The following MIDEAS variants were observed in gnomAD, a reference collection of about 807,000 sequenced individuals.
MIDEAS encodes mitotic deacetylase associated SANT domain protein, also known as mitotic deacetylase-associated SANT domain protein.
MIDEAS carries 26 observed loss-of-function variants against 102.7 expected under a neutral mutation model. The observed-to-expected ratio is 0.25, with a 90% confidence interval of 0.19 to 0.35. MIDEAS has a LOEUF of 0.35. MIDEAS is among the 10% of genes least tolerant of loss of function. The probability of loss-of-function intolerance (pLI) is 1.00; values close to 1 mark genes in which losing one functional copy is unlikely to be tolerated. For synonymous variants in MIDEAS, 585 were observed against 591.0 expected (o/e 0.99, Z 0.15); for missense variants, 1,231 against 1,435.6 (o/e 0.86, Z 2.30).
chr14:73,775,525 T>C (rs1192418638), intron 1 of MIDEAS, among the ~76,000 whole-genome samples: 1 of 151,984 alleles, frequency 6.6e-6, no homozygotes, highest in East Asian at 1.9e-4. Flanking sequence ...AACCAGGCCA[T>C]GCATCTAAGC....
chr14:73,726,823 T>A lies in MIDEAS; in HGVS notation c.2305+7A>T. On this transcript the variant is annotated splice_region_variant and intron_variant, in intron 6 of 12. Coordinates refer to ENST00000423556, the MANE Select transcript of MIDEAS (RefSeq NM_001367710.1). ...CCCTCACTTGCTGCCCCCAGGCCCC[T>A]CCTCACCTTGCCTCTGCTTCTCCCG... The A allele has an allele frequency of 1.2e-6, 2 of 1,607,778 alleles. No individual in the cohort carries two copies. The highest frequency in any genetic ancestry group is 1.7e-6 in the Non-Finnish European group (2 of 1,175,334).
At chr14:73,744,294 G>A (rs1416063362) in intron 1 of MIDEAS, among the ~76,000 whole-genome samples, 1 of 152,200 alleles carries the variant, frequency 6.6e-6, no homozygotes, top group Non-Finnish European at 1.5e-5. Flanking sequence ...GCCAGACTGT[G>A]GCCACTGTGG....
At chr14:73,727,020 G>A (rs369038316) in intron 5 of MIDEAS, 48 bp from the exon 6 acceptor site, 282 of 1,544,712 alleles carry the variant, frequency 1.8e-4, no homozygotes, top group African/African-American at 3.0e-4. Flanking sequence ...TTGCGGGGAC[G>A]GAGAACTTGA....
Position 73,718,865 on chromosome 14 carries a change from C to A in MIDEAS, c.3278G>T (p.Ser1093Ile). The A allele has an allele frequency of 6.6e-7, 1 of 1,505,582 alleles. No homozygotes were observed. Among genetic ancestry groups the A allele is most frequent in the Non-Finnish European group, 8.8e-7 (1 of 1,133,974 alleles). 93.3% of individuals were successfully genotyped at this position (1,505,582 alleles called of 1,614,324 possible). A position where few individuals can be genotyped will look rare whatever the true frequency, so the allele number is the denominator to read the frequency against. ...CGCTCAGCCCTTGTCGCCCGCACCG[C>A]TCTCCTCCCGCAGGGCCTGCTGGTG... is the stretch of plus-strand genomic sequence containing the variant. ...AAHQQALREE[S>I]GAGDKG The change falls in exon 13 of 13, where the codon AGC (serine) becomes ATC (isoleucine). Residue 1093 changes from serine (S) to isoleucine (I), a missense_variant. Ser to Ile is a moderately radical substitution (Grantham distance 142, BLOSUM62 -2). Around this residue, in one of 5 missense-constraint regions of MIDEAS, gnomAD observed 71 missense variants for 51.9 expected, o/e 1.37. Transcript: ENST00000423556.
At chr14:73,727,767 C>T (rs569975069) in intron 4 of MIDEAS, 3 of 489,140 alleles carry the variant, frequency 6.1e-6, no homozygotes, top group South Asian at 2.8e-5. Flanking sequence ...CTGTCTCCTA[C>T]GGTTAATGTG....
intron 1 of MIDEAS, among the ~76,000 whole-genome samples, chr14:73,767,549 G>A (rs1174297763): frequency 1.3e-5 from 2 of 152,056 alleles, no homozygotes; most frequent in African/African-American, 4.8e-5. Flanking sequence ...GAGGTGGGAG[G>A]ATTGCTTGAG....
Position 73,717,039 on chromosome 14 carries a change from G to A in MIDEAS, c.*1804C>T, listed in dbSNP as rs1198365910. The A allele has an allele frequency of 6.6e-6, 1 of 152,484 alleles. No homozygotes were observed. The highest frequency in any genetic ancestry group is 1.5e-5 in the Non-Finnish European group (1 of 68,052). The allele number at this position is 152,484 out of a possible 1,614,324, so 9.4% of individuals were successfully genotyped here. ...TAGGTAGTCATCCAAGAGTCTGGAG[G>A]GAGAAGAAATTTGTTACTTCCACAG... On this transcript the variant is annotated 3_prime_UTR_variant, in exon 13 of 13. Coordinates refer to ENST00000423556, the MANE Select transcript of MIDEAS (RefSeq NM_001367710.1).
upstream of MIDEAS, among the ~76,000 whole-genome samples, chr14:73,764,883 C>T (rs2053581845): frequency 6.6e-6 from 1 of 152,154 alleles, no homozygotes; most frequent in Non-Finnish European, 1.5e-5. Context: ...GTTCTGAGTG[C>T]CTTTGTCAGG....
intron 11 of MIDEAS, 140 bp from the exon 12 acceptor site, chr14:73,719,641 A>G: frequency 1.3e-6 from 1 of 789,224 alleles, no homozygotes; most frequent in Middle Eastern, 3.7e-4. Flanking sequence ...GGGTCCTTCC[A>G]GGGATATGAC....
upstream of MIDEAS, chr14:73,787,509 G>A (rs74576495): frequency 0.12 from 17,528 of 152,290 alleles, 1,354 homozygotes; most frequent in Admixed American, 0.19. Context: ...CTCTCAGGCT[G>A]GTCTGGAAGG....
At chr14:73,770,540 G>A (rs893924877) in intron 1 of MIDEAS, among the ~76,000 whole-genome samples, 2 of 152,114 alleles carry the variant, frequency 1.3e-5, no homozygotes, top group Non-Finnish European at 2.9e-5. Flanking sequence ...GGGATGGTGC[G>A]GGGGAGTGCC....
chr14:73,725,592 T>C lies in MIDEAS; in HGVS notation c.2486-232A>G, dbSNP rs1219693571. 6.6e-6 allele frequency among the ~76,000 whole-genome samples: 1 copy of C among 152,192 alleles called. No individual in the cohort carries two copies. ...GGTGAGGATTAAATAAGATAATGCA[T>C]GTGAAACCCTTGGTGCTCTGCCTGG... On this transcript the variant is annotated intron_variant, in intron 8 of 12. Transcript: ENST00000423556. The surrounding 1 kb of genome is among the most constrained non-coding windows in gnomAD (Gnocchi z 4.1).
At chr14:73,763,329 C>T (rs2053568395), upstream of MIDEAS, among the ~76,000 whole-genome samples, 3 of 152,042 alleles carry the variant, frequency 2.0e-5, no homozygotes, top group Admixed American at 6.5e-5. Flanking sequence ...CAGGGTGAGA[C>T]GTTGTCTCAA....
At chr14:73,786,674 C>A (rs2053812599) in intron 1 of MIDEAS, among the ~76,000 whole-genome samples, 1 of 152,264 alleles carries the variant, frequency 6.6e-6, no homozygotes, top group Admixed American at 6.5e-5. Flanking sequence ...GTTCCTTTAA[C>A]TTCCTTCCTG....
chr14:73,727,656 T>A, intron 4 of MIDEAS, 132 bp from the exon 5 acceptor site: 1 of 828,010 alleles, frequency 1.2e-6, no homozygotes, highest in Non-Finnish European at 1.8e-6. Context: ...CACAGGCACC[T>A]GAGTCCTGGC....
chr14:73,718,918 T>G lies in MIDEAS; in HGVS notation c.3225A>C (p.Lys1075Asn). Residue 1075 changes from lysine (K) to asparagine (N), a missense_variant, in exon 13 of 13, where the codon AAA becomes AAC. Physicochemically the swap from Lys to Asn is moderately conservative, Grantham distance 94 (BLOSUM62 0). Coordinates refer to ENST00000423556, the MANE Select transcript of MIDEAS (RefSeq NM_001367710.1). ...CGGCGGCGGCGGCAGCAGCGGCCTC[T>G]TTCTCCTTCAGCCTCAGCGCTGCAG... Reference protein sequence around the residue: ...KKAAALRLKEKEAAAAAAAAH... With the variant: ...KKAAALRLKENEAAAAAAAAH... 3 of 1,525,144 alleles carry G rather than the reference T, an allele frequency of 2.0e-6. No homozygotes were observed. The highest frequency in any genetic ancestry group is 1.8e-6 in the Non-Finnish European group (2 of 1,142,770). The allele number at this position is 1,525,144 out of a possible 1,614,324, so 94.5% of individuals were successfully genotyped here.
At chr14:73,772,179 CAG>C (rs1436859204) in intron 1 of MIDEAS, among the ~76,000 whole-genome samples, 1 of 152,230 alleles carries the variant, frequency 6.6e-6, no homozygotes, top group Non-Finnish European at 1.5e-5. Context: ...CTGATAAAGA[CAG>C]AGCTGTTTGG....
intron 1 of MIDEAS, among the ~76,000 whole-genome samples, chr14:73,784,859 A>C (rs1425754245): frequency 2.6e-5 from 4 of 152,206 alleles, no homozygotes; most frequent in Admixed American, 2.6e-4. Flanking sequence ...TTTGTCCTCG[A>C]GTTTCTGGAA....
At chr14:73,722,653 G>C (rs770979323) in intron 10 of MIDEAS, 45 bp downstream of exon 10, 1 of 1,603,492 alleles carries the variant, frequency 6.2e-7, no homozygotes, top group South Asian at 1.1e-5. Context: ...CCTGGTCCCA[G>C]ACCCAGCCCA....
Sources: gnomAD v4.1 joint callset for allele counts (sites outside exome capture counted in the v4.1 genomes callset) on GRCh38, gnomAD v4.1.1 for gene constraint, gnomAD v4.1.1 regional missense constraint, Gnocchi (gnomAD v3.1) non-coding constraint, MANE v1.5 for transcripts, NCBI Gene and HGNC (gene_info 2026-07-23, HGNC 2026-07-21) for gene names.